SPRED2: variants seen among roughly 807,000 people sequenced by gnomAD.
SPRED2 encodes sprouty-related, EVH1 domain-containing protein 2.
SPRED2 carries 47 observed loss-of-function variants against 43.0 expected under a neutral mutation model. The observed-to-expected ratio is 1.09, with a 90% confidence interval of 0.87 to 1.40. The LOEUF (loss-of-function observed/expected upper bound fraction) is 1.40. SPRED2 is among the 40% of genes most tolerant of loss of function. SPRED2 has a pLI of 0.00. For missense variants in SPRED2, 561 were observed against 586.4 expected, an observed-to-expected ratio of 0.96 and a Z score of 0.45; for synonymous variants, 225 against 225.7, an observed-to-expected ratio of 1.00 and a Z score of 0.03.
Position 65,312,804 on chromosome 2 carries a change from T to C in SPRED2, c.*697A>G, listed in dbSNP as rs1673106537. 1.0e-6 allele frequency: 1 copy of C among 985,860 alleles called. No individual in the cohort carries two copies. The highest frequency in any genetic ancestry group is 4.7e-5 in the South Asian group (1 of 21,292). 61.1% of individuals were successfully genotyped at this position (985,860 alleles called of 1,614,324 possible). A position where few individuals can be genotyped will look rare whatever the true frequency, so the allele number is the denominator to read the frequency against. On this transcript the variant is annotated 3_prime_UTR_variant, in exon 6 of 6. Transcript: ENST00000356388. Reference sequence around the variant, plus strand: ...CAATTCTCAGTCTATTACGGGTGAATGTTTTGCATCAGTGAATCATTTCAA... The same window carrying C: ...CAATTCTCAGTCTATTACGGGTGAACGTTTTGCATCAGTGAATCATTTCAA...
chr2:65,314,279 A>G (rs994913252), intron 5 of SPRED2, 110 bp from the exon 6 acceptor site: 1 of 1,020,992 alleles, frequency 9.8e-7, no homozygotes, highest in East Asian at 2.6e-5. Flanking sequence ...ACCTTTCTCG[A>G]TAACTCCATC....
rs527739494 is a variant in SPRED2, at chr2:65,311,941, G to A, written c.*1560C>T. On this transcript the variant is annotated 3_prime_UTR_variant, in exon 6 of 6. Coordinates refer to ENST00000356388, the MANE Select transcript of SPRED2 (RefSeq NM_181784.3). ...TAAAGAAGGAGTGGGGAAAGGGAGT[G>A]GGGAGCAGGCCATGTCTTCTGCTGG... The A allele has an allele frequency of 1.7e-5, 17 of 985,364 alleles. No individual in the cohort carries two copies. The South Asian group carries it at 7.0e-4, about 41-fold the overall frequency. The allele number at this position is 985,364 out of a possible 1,614,324, so 61.0% of individuals were successfully genotyped here.
At chr2:65,309,328 C>T (rs1673008894), downstream of SPRED2, among the ~76,000 whole-genome samples, 1 of 151,470 alleles carries the variant, frequency 6.6e-6, no homozygotes, top group Admixed American at 6.6e-5. Flanking sequence ...AGTGAGACCT[C>T]CATCTCTATG....
At chr2:65,372,935 T>A (rs1253621490) in intron 1 of SPRED2, among the ~76,000 whole-genome samples, 2 of 152,212 alleles carry the variant, frequency 1.3e-5, no homozygotes, top group African/African-American at 4.8e-5. Context: ...AGAAATCTAT[T>A]ACTCACCTTG....
At chr2:65,338,830 C>A (rs1438595027) in intron 2 of SPRED2, among the ~76,000 whole-genome samples, 28 of 151,208 alleles carry the variant, frequency 1.9e-4, no homozygotes, top group African/African-American at 6.3e-4. Flanking sequence ...TCTGCCCGGC[C>A]GCCATCCCAC....
chr2:65,336,055 A>G (rs908453646), intron 2 of SPRED2, among the ~76,000 whole-genome samples: 1 of 152,242 alleles, frequency 6.6e-6, no homozygotes, highest in East Asian at 1.9e-4. Flanking sequence ...CTAAGAATAG[A>G]TCAAAGCAAA....
chr2:65,315,877 C>T (rs1040695456), intron 5 of SPRED2, among the ~76,000 whole-genome samples: 2 of 152,244 alleles, frequency 1.3e-5, no homozygotes, highest in African/African-American at 4.8e-5. Flanking sequence ...CCAGGATGGT[C>T]TCAATCTCCT....
intron 2 of SPRED2, among the ~76,000 whole-genome samples, chr2:65,342,276 ACG>A: frequency 7.0e-6 from 1 of 143,072 alleles, no homozygotes; most frequent in Non-Finnish European, 1.5e-5. Context: ...TATTTTGTAT[ACG>A]TATATTATGT....
Position 65,332,002 on chromosome 2 carries a change from A to G in SPRED2, c.423T>C (p.Asp141=), listed in dbSNP as rs1200299516. 1.2e-6 allele frequency: 2 copies of G among 1,608,972 alleles called. No individual in the cohort carries two copies. The highest frequency in any genetic ancestry group is 1.3e-5 in the African/African-American group (1 of 74,928). ...GGAAACTTACTGTAAAAACGTCATCATCGCCAAGCTCAGCTTCATTATGGA... is the reference window on the plus strand; with the variant it reads ...GGAAACTTACTGTAAAAACGTCATCGTCGCCAAGCTCAGCTTCATTATGGA... The part of the protein sequence containing the change: ...STIHNEAELG[D]DDVFTTATDS... The change falls in exon 4 of 6, where the codon GAT becomes GAC. Residue 141 remains aspartate (D), a synonymous_variant. Coordinates refer to ENST00000356388, the MANE Select transcript of SPRED2 (RefSeq NM_181784.3).
At chr2:65,376,432 T>C (rs970920201) in intron 1 of SPRED2, among the ~76,000 whole-genome samples, 1 of 152,200 alleles carries the variant, frequency 6.6e-6, no homozygotes, top group Non-Finnish European at 1.5e-5. Context: ...AATGTAAAGA[T>C]AGATGCATTT....
At chr2:65,361,141 T>C (rs1158508576) in intron 1 of SPRED2, among the ~76,000 whole-genome samples, 1 of 152,224 alleles carries the variant, frequency 6.6e-6, no homozygotes, top group African/African-American at 2.4e-5. Context: ...ATGTCCCCAT[T>C]ATGCAAACTA....
Position 65,334,753 on chromosome 2 carries a change from T to C in SPRED2, c.225A>G (p.Val75=), listed in dbSNP as rs775731622. The change falls in exon 3 of 6, where the codon GTA becomes GTG. Residue 75 remains valine, a synonymous_variant. Transcript: ENST00000356388. ...KDKLVVLECY[V]RKDLVYTKAN... is the part of the protein sequence containing the mutation. ...CTTTGGTGTAGACCAAGTCCTTTCTTACATAGCATTCCAATACCACCTGAA... is the reference window on the plus strand; with the variant it reads ...CTTTGGTGTAGACCAAGTCCTTTCTCACATAGCATTCCAATACCACCTGAA... The C allele has an allele frequency of 1.9e-6, 3 of 1,614,212 alleles. No individual in the cohort carries two copies. The highest frequency in any genetic ancestry group is 2.5e-6 in the Non-Finnish European group (3 of 1,180,036).
Position 65,313,294 on chromosome 2 carries a change from G to C in SPRED2, c.*207C>G. 1 of 1,421,388 alleles carries C rather than the reference G, an allele frequency of 7.0e-7. No homozygotes were observed. The highest frequency in any genetic ancestry group is 9.1e-7 in the Non-Finnish European group (1 of 1,093,050). The allele number at this position is 1,421,388 out of a possible 1,614,324, so 88.0% of individuals were successfully genotyped here. A position where few individuals can be genotyped will look rare whatever the true frequency, so the allele number is the denominator to read the frequency against. ...TGTGCGAGCGTGTGTGTATGGATGT[G>C]GCTGCTGCAGTGTGGGCGGCAGGGG... On this transcript the variant is annotated 3_prime_UTR_variant, in exon 6 of 6. Coordinates refer to ENST00000356388, the MANE Select transcript of SPRED2 (RefSeq NM_181784.3).
rs558906398 is a variant in SPRED2, at chr2:65,376,214, G to A, written c.27-31318C>T. 2.0e-4 allele frequency among the ~76,000 whole-genome samples: 31 copies of A among 152,300 alleles called. 1 individual carries two copies. In the East Asian group the frequency reaches 5.2e-3, roughly 26 times the overall value. On this transcript the variant is annotated intron_variant, in intron 1 of 5. Coordinates refer to ENST00000356388, the MANE Select transcript of SPRED2 (RefSeq NM_181784.3). ...GTCAGCTCAGTTTATATTTCAGGGT[G>A]AAGAAGGGGAAACGCCCATGGGCTC... is the stretch of plus-strand genomic sequence containing the variant.
chr2:65,392,819 C>T (rs1675668522), intron 1 of SPRED2, among the ~76,000 whole-genome samples: 2 of 151,816 alleles, frequency 1.3e-5, no homozygotes, highest in Non-Finnish European at 2.9e-5. Flanking sequence ...ACTCAGTCCT[C>T]CCCCTCCTCC....
chr2:65,313,629 G>A lies in SPRED2; in HGVS notation c.1129C>T (p.Arg377Trp), dbSNP rs1673136584. The change falls in exon 6 of 6, where the codon CGG (arginine) becomes TGG (tryptophan). Residue 377 changes from arginine (R) to tryptophan (W), a missense_variant. By Grantham distance (101) the Arg-to-Trp change is moderately radical (BLOSUM62 -3). This residue lies in a region of SPRED2 where 65 missense variants were observed against 60.2 expected (regional missense o/e 1.08). Transcript: ENST00000356388. The stretch of plus-strand genomic sequence containing the variant: ...GACAAGGCAATAAGAGCCATCCACC[G>A]GAGGCAAAACTTCTCGTCGCTAGTA... ...CDTSDEKFCLRWMALIALSFL... is the reference protein window; with the variant it reads ...CDTSDEKFCLWWMALIALSFL... 8.7e-6 allele frequency: 14 copies of A among 1,614,188 alleles called. No individual in the cohort carries two copies. Among genetic ancestry groups the A allele is most frequent in the Non-Finnish European group, 1.1e-5 (13 of 1,180,020 alleles).
At chr2:65,400,857 C>G (rs1336591659) in intron 1 of SPRED2, among the ~76,000 whole-genome samples, 1 of 152,194 alleles carries the variant, frequency 6.6e-6, no homozygotes, top group Non-Finnish European at 1.5e-5. Flanking sequence ...TTCTAGCGTT[C>G]TCTGCTCTAC....
chr2:65,345,929 T>C (rs991539809), intron 1 of SPRED2, among the ~76,000 whole-genome samples: 38 of 152,232 alleles, frequency 2.5e-4, no homozygotes, highest in African/African-American at 8.9e-4. Flanking sequence ...GGCAAGGCCA[T>C]TACATTCTCA....
At chr2:65,334,530 G>A in intron 3 of SPRED2, 75 bp downstream of exon 3, 1 of 1,545,214 alleles carries the variant, frequency 6.5e-7, no homozygotes, top group Non-Finnish European at 8.8e-7. Context: ...AATAAATGAT[G>A]GCAGACTATT....
Sources: gnomAD v4.1 joint callset for allele counts (sites outside exome capture counted in the v4.1 genomes callset) on GRCh38, gnomAD v4.1.1 for gene constraint, gnomAD v4.1.1 regional missense constraint, MANE v1.5 for transcripts, NCBI Gene and HGNC (gene_info 2026-07-23, HGNC 2026-07-21) for gene names.